The following UBAC2 variants were observed in gnomAD, a reference collection of about 807,000 sequenced individuals.
UBAC2 encodes the protein UBA domain containing 2.
UBAC2 carries 26 observed loss-of-function variants against 44.0 expected under a neutral mutation model. The observed-to-expected ratio is 0.59, with a 90% CI of 0.43 to 0.82. UBAC2 has a LOEUF of 0.82. Among genes scored for constraint, UBAC2 ranks in the 40% least tolerant of loss-of-function variants. UBAC2 has a pLI of 0.00. For missense variants in UBAC2, 329 were observed against 419.4 expected (o/e 0.78, Z 1.88); for synonymous variants, 155 against 154.3 (o/e 1.00, Z -0.04).
At chr13:99,242,746 C>G (rs1288599109) in intron 2 of UBAC2, among the ~76,000 whole-genome samples, 1 of 131,358 alleles carries the variant, frequency 7.6e-6, no homozygotes, top group African/African-American at 2.8e-5. Flanking sequence ...CCCCACCTCT[C>G]TCCCGGACGG....
intron 4 of UBAC2, among the ~76,000 whole-genome samples, chr13:99,254,338 A>G (rs2043501783): frequency 6.6e-6 from 1 of 152,202 alleles, no homozygotes; most frequent in African/African-American, 2.4e-5. Flanking sequence ...CTCTGTTTTT[A>G]AAAGAATGAA....
At chr13:99,233,188 C>T (rs1444287233) in intron 1 of UBAC2, among the ~76,000 whole-genome samples, 1 of 151,598 alleles carries the variant, frequency 6.6e-6, no homozygotes, top group Non-Finnish European at 1.5e-5. Flanking sequence ...TCTCGGCTCA[C>T]TGCAACCTCC....
chr13:99,258,906 A>G (rs572932469), intron 4 of UBAC2, among the ~76,000 whole-genome samples: 1 of 152,200 alleles, frequency 6.6e-6, no homozygotes, highest in Non-Finnish European at 1.5e-5. Flanking sequence ...ACATTTCTAA[A>G]TGCTTAAAAG....
At chr13:99,347,319 G>GCCCC (rs3031439) in intron 7 of UBAC2, among the ~76,000 whole-genome samples, 2 of 20,554 alleles carry the variant, frequency 9.7e-5, no homozygotes, top group African/African-American at 2.4e-4. Flanking sequence ...ATCCCCGGGC[G>GCCCC]CCCCCCCCCC....
intron 1 of UBAC2, among the ~76,000 whole-genome samples, chr13:99,225,715 G>T (rs1381738778): frequency 6.6e-6 from 1 of 152,218 alleles, no homozygotes; most frequent in African/African-American, 2.4e-5. Flanking sequence ...AGACAAAGCT[G>T]ATGCCCTAAG....
In UBAC2 at chr13:99,366,970, G is replaced by T. The variant is rs1369913385; in HGVS notation, c.808-817G>T. ...GTTTCAGATCTTAGTCTATAATTTTGTCAGGACTAGAAGACTTCTAGAAAT... is the reference window on the plus strand; with the variant it reads ...GTTTCAGATCTTAGTCTATAATTTTTTCAGGACTAGAAGACTTCTAGAAAT... On this transcript the variant is annotated intron_variant, in intron 7 of 8. Transcript: ENST00000403766. Among the ~76,000 whole-genome samples, 2 of 152,174 alleles carry T rather than the reference G, an allele frequency of 1.3e-5. 1 individual carries two copies. The highest frequency in any genetic ancestry group is 4.8e-5 in the African/African-American group (2 of 41,430).
At chr13:99,239,972 TGTTAATTAGCAATGAAG>T (rs2043281786) in intron 2 of UBAC2, among the ~76,000 whole-genome samples, 1 of 152,140 alleles carries the variant, frequency 6.6e-6, no homozygotes, top group African/African-American at 2.4e-5. Context: ...AAGGGATGAC[TGTTAATTAGCAATGAAG>T]AGAGGGAAGG....
chr13:99,287,643 CTTTTTTTTTTTT>C (rs11304203), intron 4 of UBAC2, among the ~76,000 whole-genome samples: 32 of 95,156 alleles, frequency 3.4e-4, no homozygotes, highest in Middle Eastern at 7.2e-3. Context: ...TTTTTTCTTT[CTTTTTTTTTTTT>C]TTTTTTTTTG....
intron 4 of UBAC2, among the ~76,000 whole-genome samples, chr13:99,286,331 G>C (rs2044018689): frequency 6.6e-6 from 1 of 152,146 alleles, no homozygotes. Flanking sequence ...CTTCCTTGTG[G>C]TCCTTTGTGT....
At chr13:99,370,726 C>G (rs900069622) in intron 8 of UBAC2, among the ~76,000 whole-genome samples, 1 of 152,164 alleles carries the variant, frequency 6.6e-6, no homozygotes, top group Non-Finnish European at 1.5e-5. Flanking sequence ...ACCACTGTCA[C>G]GTGCCCATTG....
intron 1 of UBAC2, among the ~76,000 whole-genome samples, chr13:99,234,171 C>CTTTTTTTTTTTTTT (rs773370310): frequency 1.6e-5 from 1 of 61,682 alleles, no homozygotes; most frequent in African/African-American, 6.9e-5. Flanking sequence ...CTAGCCGTTT[C>CTTTTTTTTTTTTTT]TTTTTTTTTT....
chr13:99,294,216 A>T (rs1294088591), intron 4 of UBAC2, among the ~76,000 whole-genome samples: 3 of 152,178 alleles, frequency 2.0e-5, no homozygotes, highest in African/African-American at 7.2e-5. Flanking sequence ...TAGAGTACTA[A>T]CAGCTTGGGG....
chr13:99,251,931 A>G (rs1256560937), intron 4 of UBAC2, among the ~76,000 whole-genome samples: 2 of 151,872 alleles, frequency 1.3e-5, no homozygotes, highest in Non-Finnish European at 2.9e-5. Flanking sequence ...CCTTCCATGT[A>G]TTGCTTTTCT....
intron 7 of UBAC2, among the ~76,000 whole-genome samples, chr13:99,363,135 G>A (rs1257502120): frequency 1.3e-5 from 2 of 152,046 alleles, no homozygotes; most frequent in African/African-American, 2.4e-5. Flanking sequence ...TATTCAGTAC[G>A]GGCTCATAAC....
At chr13:99,309,388 T>C (rs918688934) in intron 4 of UBAC2, among the ~76,000 whole-genome samples, 18 of 152,070 alleles carry the variant, frequency 1.2e-4, no homozygotes, top group Admixed American at 1.3e-4. Context: ...GGATTACAGG[T>C]GTGAGCCACC....
intron 4 of UBAC2, among the ~76,000 whole-genome samples, chr13:99,245,849 A>G (rs890097253): frequency 4.4e-4 from 67 of 152,074 alleles, no homozygotes; most frequent in African/African-American, 1.4e-3. Flanking sequence ...AACAAACAAA[A>G]TACCCCCAAA....
At chr13:99,341,903 T>G (rs61970340) in intron 7 of UBAC2, among the ~76,000 whole-genome samples, 4,673 of 152,262 alleles carry the variant, frequency 0.031, 97 homozygotes, top group Middle Eastern at 0.13. Flanking sequence ...TAGATAATCT[T>G]AGATAGATGA....
intron 5 of UBAC2, among the ~76,000 whole-genome samples, chr13:99,316,418 GATGAATGA>G (rs764363585): frequency 8.1e-5 from 12 of 148,532 alleles, no homozygotes; most frequent in African/African-American, 1.9e-4. Flanking sequence ...TGAATGAATG[GATGAATGA>G]ATGAATGAAT....
intron 6 of UBAC2, among the ~76,000 whole-genome samples, chr13:99,333,157 C>T (rs576579069): frequency 6.6e-6 from 1 of 152,272 alleles, no homozygotes; most frequent in East Asian, 1.9e-4. Context: ...GTGAATGTAA[C>T]ATAGTATTAT....
Sources: gnomAD v4.1 joint callset for allele counts (sites outside exome capture counted in the v4.1 genomes callset) on GRCh38, gnomAD v4.1.1 for gene constraint, MANE v1.5 for transcripts, NCBI Gene and HGNC (gene_info 2026-07-23, HGNC 2026-07-21) for gene names.